Variants in B9D2 observed in about 807,000 individuals in gnomAD.
B9D2 encodes the protein B9 domain-containing protein 2.
Under a neutral mutation model 19.2 loss-of-function variants are expected in B9D2, and 21 were observed. The ratio of observed to expected loss-of-function variants is 1.09; its 90% CI spans 0.78 to 1.58. The LOEUF is 1.58. B9D2 is among the 40% of genes most tolerant of loss of function. The pLI, the probability that B9D2 is intolerant of heterozygous loss-of-function variation, is 0.00. For synonymous variants in B9D2, 91 were observed against 100.6 expected, an observed-to-expected ratio of 0.90 and a Z score of 0.57; for missense variants, 221 against 244.3, an observed-to-expected ratio of 0.90 and a Z score of 0.64.
In B9D2 at chr19:41,363,422, G is replaced by C. The variant is rs1198805359; in HGVS notation, c.88+10C>G. The stretch of plus-strand genomic sequence containing the variant: ...CTTGGTGTGGAAATGAACCAGGCTT[G>C]GGGGAATACCTGTGTGAATGCCCCA... On this transcript the variant is annotated intron_variant, in intron 2 of 3. Transcript: ENST00000243578. 7.4e-6 allele frequency: 12 copies of C among 1,613,406 alleles called. No individual in the cohort carries two copies. The highest frequency in any genetic ancestry group is 1.0e-5 in the Non-Finnish European group (12 of 1,179,526).
At position 41,354,818 on chromosome 19, in the gene B9D2, C is replaced by T. The variant is rs769364087; in HGVS notation, c.410G>A (p.Gly137Glu). Residue 137 changes from glycine (G) to glutamate (E), a missense_variant, in exon 4 of 4, where the codon GGG becomes GAG. By Grantham distance (98) the Gly-to-Glu change is moderately conservative. Transcript: ENST00000243578. ...GTCGGCCCCACTGTAGATGGTGTCC[C>T]CATGCAGCAGCTGCGGCCCACCACC... is the stretch of plus-strand genomic sequence containing the variant. Reference protein sequence around the residue: ...FVGGGPQLLHGDTIYSGADRY... With the variant: ...FVGGGPQLLHEDTIYSGADRY... The T allele has an allele frequency of 1.2e-6, 2 of 1,614,050 alleles. No individual in the cohort carries two copies. The highest frequency in any genetic ancestry group is 3.3e-5 in the Admixed American group (2 of 60,034).
At chr19:41,360,310 G>A (rs1459854492) in intron 2 of B9D2, among the ~76,000 whole-genome samples, 1 of 151,958 alleles carries the variant, frequency 6.6e-6, no homozygotes, top group Non-Finnish European at 1.5e-5. Context: ...CAAGTAGTTG[G>A]GACGACAGGC....
Position 41,358,910 on chromosome 19 carries a change from A to G in B9D2, c.89-888T>C, listed in dbSNP as rs564424769. ...CTAATCCCAGCACTTTAGGAGGCTT[A>G]GGGGGGGGTGGATCATCTAAGGTCA... On this transcript the variant is annotated intron_variant, in intron 2 of 3. Transcript: ENST00000243578. 2.4e-4 allele frequency among the ~76,000 whole-genome samples: 35 copies of G among 145,034 alleles called. 1 individual carries two copies. The highest frequency in any genetic ancestry group is 7.7e-4 in the African/African-American group (29 of 37,530).
intron 1 of B9D2, 92 bp from the exon 2 acceptor site, chr19:41,363,615 T>C: frequency 8.6e-7 from 1 of 1,160,870 alleles, no homozygotes; most frequent in Non-Finnish European, 1.3e-6. Context: ...AAGTAAAGGG[T>C]AGTACTAGGA....
In B9D2 at chr19:41,354,654, T is replaced by G. The variant is rs780485746; in HGVS notation, c.*46A>C. Reference sequence around the variant, plus strand: ...CCACTGTGCCATCCTCCCCCATCACTGGGTGTCCGGGGTGTGGATGGTGGT... The same window carrying G: ...CCACTGTGCCATCCTCCCCCATCACGGGGTGTCCGGGGTGTGGATGGTGGT... On this transcript the variant is annotated 3_prime_UTR_variant, in exon 4 of 4. Transcript: ENST00000243578. 9 of 1,607,372 alleles carry G rather than the reference T, an allele frequency of 5.6e-6. No individual in the cohort carries two copies. The highest frequency in any genetic ancestry group is 2.2e-5 in the South Asian group (2 of 90,906).
chr19:41,358,653 C>T (rs765855958), intron 2 of B9D2, among the ~76,000 whole-genome samples: 5 of 152,092 alleles, frequency 3.3e-5, no homozygotes, highest in Admixed American at 6.6e-5. Context: ...CCTCCAGGAG[C>T]GCATCCTGAA....
intron 2 of B9D2, among the ~76,000 whole-genome samples, chr19:41,362,267 G>A (rs2038419618): frequency 6.7e-6 from 1 of 148,504 alleles, no homozygotes; most frequent in South Asian, 2.1e-4. Context: ...GCGAGCGCCT[G>A]TAGTCCCAGC....
Position 41,357,789 on chromosome 19 carries a change from C to T in B9D2, c.214+108G>A, listed in dbSNP as rs1255726005. Reference sequence around the variant, plus strand: ...CAGACTTGGCTGCAAAAGGGACCTACGTGGTATGGGGAGCAGGGACAGGTC... The same window carrying T: ...CAGACTTGGCTGCAAAAGGGACCTATGTGGTATGGGGAGCAGGGACAGGTC... On this transcript the variant is annotated intron_variant, in intron 3 of 3. Transcript: ENST00000243578. The T allele has an allele frequency of 1.3e-5, 20 of 1,510,854 alleles. No homozygotes were observed. The East Asian group carries it at 1.4e-4, about 10-fold the overall frequency. The allele number at this position is 1,510,854 out of a possible 1,614,324, so 93.6% of individuals were successfully genotyped here.
intron 3 of B9D2, among the ~76,000 whole-genome samples, chr19:41,356,681 TA>T (rs377417750): frequency 1.8e-3 from 257 of 142,346 alleles, no homozygotes; most frequent in Middle Eastern, 3.6e-3. Context: ...CCATCTCTAT[TA>T]AAAAAAAAAA....
chr19:41,355,195 G>A (rs2038293759), intron 3 of B9D2, among the ~76,000 whole-genome samples, 182 bp from the exon 4 acceptor site: 1 of 152,148 alleles, frequency 6.6e-6, no homozygotes, highest in Non-Finnish European at 1.5e-5. Context: ...TCCCCACACA[G>A]CAGCCAAAGT....
intron 1 of B9D2, 122 bp downstream of exon 1, chr19:41,363,836 G>A: frequency 1.9e-6 from 1 of 536,860 alleles, no homozygotes; most frequent in South Asian, 2.1e-5. Flanking sequence ...CAAAAGACCC[G>A]CCTTCCGCGT....
Position 41,354,989 on chromosome 19 carries a change from AC to A in B9D2, c.238del (p.Val80CysfsTer132). The A allele has an allele frequency of 3.7e-6, 6 of 1,603,856 alleles. No homozygotes were observed. Among genetic ancestry groups the A allele is most frequent in the Non-Finnish European group, 5.1e-6 (6 of 1,173,478 alleles). ...LQGWPRLHFQ[V>X]WSQDSFGRCQ... is the part of the protein sequence containing the mutation. ...GCGGCCAAAGCTGTCCTGGGACCAC[AC>A]CTGGAAATGGAGCCGGGGCCAGCCT... On this transcript the variant is annotated frameshift_variant, in exon 4 of 4. Transcript: ENST00000243578. LOFTEE classifies it high-confidence loss of function.
intron 3 of B9D2, among the ~76,000 whole-genome samples, chr19:41,356,045 A>G (rs1360209618): frequency 6.6e-6 from 1 of 152,122 alleles, no homozygotes; most frequent in Non-Finnish European, 1.5e-5. Context: ...CAGCATGGCT[A>G]GAGCAGAATG....
chr19:41,357,996 C>G lies in B9D2; in HGVS notation c.115G>C (p.Val39Leu), dbSNP rs761158280. Residue 39 changes from valine (V) to leucine (L), a missense_variant, in exon 3 of 4, where the codon GTG becomes CTG. By Grantham distance (32) the Val-to-Leu change is conservative. Transcript: ENST00000243578. ...TGAAWKLLSG[V>L]REGQTQVDTP... The stretch of plus-strand genomic sequence containing the variant: ...TCCACTTGCGTTTGGCCCTCCCGCA[C>G]GCCTGACAGGAGCTTCCATGCCGCC... The G allele has an allele frequency of 6.2e-7, 1 of 1,614,132 alleles. No individual in the cohort carries two copies.
intron 2 of B9D2, among the ~76,000 whole-genome samples, chr19:41,359,752 T>A (rs929474545): frequency 8.6e-5 from 13 of 151,722 alleles, no homozygotes; most frequent in South Asian, 2.1e-4. Context: ...ACTAACTAAA[T>A]CCCAGATGCT....
chr19:41,357,730 G>A (rs185832302), intron 3 of B9D2, among the ~76,000 whole-genome samples, 167 bp downstream of exon 3: 12 of 151,758 alleles, frequency 7.9e-5, no homozygotes, highest in African/African-American at 2.2e-4. Context: ...TATTGAGCAG[G>A]CCTGGGAAGG....
At position 41,354,856 on chromosome 19, in the gene B9D2, T is replaced by C. The variant is rs758824431; in HGVS notation, c.372A>G (p.Ala124=). The C allele has an allele frequency of 1.6e-5, 26 of 1,613,786 alleles. No homozygotes were observed. The highest frequency in any genetic ancestry group is 2.1e-5 in the Non-Finnish European group (25 of 1,179,982). The change falls in exon 4 of 4, where the codon GCA becomes GCG. Residue 124 remains alanine (A), a synonymous_variant. Transcript: ENST00000243578. The stretch of plus-strand genomic sequence containing the variant: ...GCGGCCCACCACCCACGAAAGCCCG[T>C]GCCAACTGTTCTCGCCAACTGCCCA... ...RPLGSWREQL[A]RAFVGGGPQL...
At position 41,363,905 on chromosome 19, in the gene B9D2, G is replaced by A. The variant is rs371861966; in HGVS notation, c.-5+53C>T. 59 of 441,554 alleles carry A rather than the reference G, an allele frequency of 1.3e-4. No homozygotes were observed. The East Asian group carries it at 1.9e-3, about 14-fold the overall frequency. 27.4% of individuals were successfully genotyped at this position (441,554 alleles called of 1,614,324 possible). ...GCTCCATAAGGCGCATGCGTTATGA[G>A]TTCAGGTCCGACTTAACCCCGCCTC... On this transcript the variant is annotated intron_variant, in intron 1 of 3. Coordinates refer to ENST00000243578, the MANE Select transcript of B9D2 (RefSeq NM_030578.4).
intron 3 of B9D2, among the ~76,000 whole-genome samples, chr19:41,357,296 TAAGGGACACTG>T (rs2038328820): frequency 6.6e-6 from 1 of 152,158 alleles, no homozygotes; most frequent in East Asian, 1.9e-4. Context: ...AGGACAAGGC[TAAGGGACACTG>T]CCTTGATCCT....
Sources: allele counts gnomAD v4.1 joint callset (sites outside exome capture counted in the v4.1 genomes callset), GRCh38; gene constraint gnomAD v4.1.1; transcripts MANE v1.5; gene names NCBI Gene and HGNC (gene_info 2026-07-23, HGNC 2026-07-21).